KIAA0232: variants seen among roughly 807,000 people sequenced by gnomAD.
The protein encoded by KIAA0232 is KIAA0232.
KIAA0232 carries 27 observed loss-of-function variants against 122.0 expected under a neutral mutation model. The observed-to-expected ratio is 0.22, with a 90% CI of 0.16 to 0.31. The LOEUF (loss-of-function observed/expected upper bound fraction) is 0.31, where lower values mean the gene tolerates loss of function less well. Among genes scored for constraint, KIAA0232 ranks in the 10% least tolerant of loss-of-function variants. The pLI is 1.00. For synonymous variants in KIAA0232, 613 were observed against 587.6 expected (o/e 1.04, Z -0.63); for missense variants, 1,551 against 1,634.2 (o/e 0.95, Z 0.88).
intron 2 of KIAA0232, among the ~76,000 whole-genome samples, chr4:6,822,591 T>C (rs1718472692): frequency 6.6e-6 from 1 of 152,154 alleles, no homozygotes; most frequent in Admixed American, 6.5e-5. Flanking sequence ...TTTCTAGTGG[T>C]TTGTAAATTA....
chr4:6,868,662 C>G (rs1325244128), intron 7 of KIAA0232, among the ~76,000 whole-genome samples: 1 of 152,214 alleles, frequency 6.6e-6, no homozygotes, highest in Non-Finnish European at 1.5e-5. Flanking sequence ...CCGCTTTCAG[C>G]TTCCTCCATT....
intron 7 of KIAA0232, among the ~76,000 whole-genome samples, chr4:6,866,021 A>G (rs143827122): frequency 0.02 from 3,104 of 152,256 alleles, 78 homozygotes; most frequent in Non-Finnish European, 0.025. Flanking sequence ...GCGACTTGAG[A>G]GGCACTGCTC....
At chr4:6,829,269 T>A (rs966795374) in intron 3 of KIAA0232, among the ~76,000 whole-genome samples, 14 of 152,220 alleles carry the variant, frequency 9.2e-5, no homozygotes, top group Non-Finnish European at 1.8e-4. Flanking sequence ...GTCTTTATCA[T>A]TCTTGGAGAC....
intron 1 of KIAA0232, among the ~76,000 whole-genome samples, chr4:6,796,813 A>G (rs1717153313): frequency 6.6e-6 from 1 of 152,186 alleles, no homozygotes; most frequent in Non-Finnish European, 1.5e-5. Context: ...GAGAATGTTC[A>G]AGTAGGCTCC....
At chr4:6,876,618 C>T (rs1336924626) in intron 8 of KIAA0232, 42 bp from the exon 9 acceptor site, 2 of 1,276,358 alleles carry the variant, frequency 1.6e-6, no homozygotes, top group Non-Finnish European at 1.1e-6. Context: ...AATGGAATTT[C>T]CCCCTTTCCC....
intron 2 of KIAA0232, among the ~76,000 whole-genome samples, chr4:6,806,380 A>G (rs995629105): frequency 2.0e-5 from 3 of 152,228 alleles, no homozygotes; most frequent in Admixed American, 1.3e-4. Flanking sequence ...ACATAAAACA[A>G]TGTAACTTTG....
chr4:6,797,004 A>G (rs1257471865), intron 1 of KIAA0232, among the ~76,000 whole-genome samples: 1 of 152,244 alleles, frequency 6.6e-6, no homozygotes, highest in African/African-American at 2.4e-5. Context: ...AGCCTTCCTC[A>G]TGCAGCACGT....
At chr4:6,816,561 C>A (rs911659235) in intron 2 of KIAA0232, among the ~76,000 whole-genome samples, 2 of 152,166 alleles carry the variant, frequency 1.3e-5, no homozygotes, top group African/African-American at 4.8e-5. Flanking sequence ...GGATTACAGG[C>A]GTGAGCCACC....
intron 2 of KIAA0232, among the ~76,000 whole-genome samples, chr4:6,821,613 C>T (rs1191157496): frequency 6.6e-6 from 1 of 151,620 alleles, no homozygotes; most frequent in Non-Finnish European, 1.5e-5. Context: ...CATATATACA[C>T]ATATCTATAT....
At chr4:6,843,687 T>C (rs1719785237) in intron 4 of KIAA0232, among the ~76,000 whole-genome samples, 1 of 151,984 alleles carries the variant, frequency 6.6e-6, no homozygotes, top group Non-Finnish European at 1.5e-5. Context: ...GGAGAATCAC[T>C]TGAACCTGGG....
rs752428517 is a variant in KIAA0232 at position 6,800,043 on chromosome 4, C to CTTTTTTTTTTTTTTTTTTTTTTT, written c.-353-4470_-353-4448dup. ...TTTCTTTTTCTTTCTTTCTTTCTTT[C>CTTTTTTTTTTTTTTTTTTTTTTT]TTTTTTTTTTTTTTTTTTTTTTTTT... On this transcript the variant is annotated intron_variant, in intron 1 of 9. Coordinates refer to ENST00000307659, the MANE Select transcript of KIAA0232 (RefSeq NM_014743.3). Among the ~76,000 whole-genome samples, 63 of 60,080 alleles carry CTTTTTTTTTTTTTTTTTTTTTTT rather than the reference C, an allele frequency of 1.0e-3. 9 individuals are homozygous for CTTTTTTTTTTTTTTTTTTTTTTT. Among genetic ancestry groups the CTTTTTTTTTTTTTTTTTTTTTTT allele is most frequent in the Non-Finnish European group, 1.4e-3 (38 of 28,096 alleles). 39.4% of individuals were successfully genotyped at this position (60,080 alleles called of 152,430 possible). A position where few individuals can be genotyped will look rare whatever the true frequency, so the allele number is the denominator to read the frequency against.
chr4:6,794,543 A>G (rs919770612), intron 1 of KIAA0232, among the ~76,000 whole-genome samples: 12 of 152,344 alleles, frequency 7.9e-5, no homozygotes, highest in Admixed American at 3.3e-4. Flanking sequence ...TGCCAAGGGG[A>G]AAAACAGAGC....
chr4:6,863,930 G>T lies in KIAA0232; in HGVS notation c.3548G>T (p.Gly1183Val). Residue 1183 changes from glycine (G) to valine (V), a missense_variant, in exon 7 of 10, where the codon GGG becomes GTG. By Grantham distance (109) the Gly-to-Val change is moderately radical. Coordinates refer to ENST00000307659, the MANE Select transcript of KIAA0232 (RefSeq NM_014743.3). The stretch of plus-strand genomic sequence containing the variant: ...TTCCTTCCCAGGTTAAAAAAATCTG[G>T]GATGGAAAAGAGTGCTCAGACATCA... The part of the protein sequence containing the change: ...GKFLPRLKKS[G>V]MEKSAQTSLD... 1 of 1,613,964 alleles carries T rather than the reference G, an allele frequency of 6.2e-7. No homozygotes were observed. The highest frequency in any genetic ancestry group is 8.5e-7 in the Non-Finnish European group (1 of 1,179,988).
intron 8 of KIAA0232, among the ~76,000 whole-genome samples, chr4:6,876,199 G>A (rs1306926080): frequency 6.6e-6 from 1 of 152,188 alleles, no homozygotes; most frequent in Non-Finnish European, 1.5e-5. Flanking sequence ...ACCCTGTGTC[G>A]TTTCTCCATT....
chr4:6,858,738 A>C (rs1720693129), intron 6 of KIAA0232, among the ~76,000 whole-genome samples: 1 of 152,190 alleles, frequency 6.6e-6, no homozygotes, highest in African/African-American at 2.4e-5. Context: ...TGAAACATAG[A>C]AGGTTATTAT....
chr4:6,785,136 A>T (rs961618623), intron 1 of KIAA0232, among the ~76,000 whole-genome samples: 1 of 152,002 alleles, frequency 6.6e-6, no homozygotes, highest in Admixed American at 6.6e-5. Flanking sequence ...ATGGGGCTTC[A>T]CCGTGTTAGC....
chr4:6,834,110 TA>T lies in KIAA0232; in HGVS notation c.232-7956del, dbSNP rs374893565. Among the ~76,000 whole-genome samples the T allele has an allele frequency of 4.3e-3, 649 of 152,256 alleles. 6 individuals carry two copies. Among genetic ancestry groups the T allele is most frequent in the African/African-American group, 0.015 (626 of 41,544 alleles). On this transcript the variant is annotated intron_variant, in intron 3 of 9. Transcript: ENST00000307659. ...TCTTTTCTTATTATTATTATTATTT[TA>T]GAGATAGGGTCTTGCTTTCGCCCAG...
chr4:6,782,803 G>C lies in KIAA0232; in HGVS notation c.-392G>C, dbSNP rs905719831. 1 of 148,384 alleles carries C rather than the reference G, an allele frequency of 6.7e-6. No individual in the cohort carries two copies. Among genetic ancestry groups the C allele is most frequent in the East Asian group, 2.0e-4 (1 of 5,118 alleles). The allele number at this position is 148,384 out of a possible 1,614,324, so 9.2% of individuals were successfully genotyped here. ...AGCCCCTCGGAGCCAGAGGAGAGGCGCCCCCGCCGGCCGCCGCGCCGCCCG... is the reference window on the plus strand; with the variant it reads ...AGCCCCTCGGAGCCAGAGGAGAGGCCCCCCCGCCGGCCGCCGCGCCGCCCG... On this transcript the variant is annotated 5_prime_UTR_variant, in exon 1 of 10. Transcript: ENST00000307659.
At position 6,855,850 on chromosome 4, in the gene KIAA0232, G is replaced by A. The variant is rs186755288; in HGVS notation, c.370-1314G>A. 36 of 985,376 alleles carry A rather than the reference G, an allele frequency of 3.7e-5. No individual in the cohort carries two copies. The highest frequency in any genetic ancestry group is 2.3e-4 in the South Asian group (5 of 21,288). 61.0% of individuals were successfully genotyped at this position (985,376 alleles called of 1,614,324 possible). On this transcript the variant is annotated intron_variant, in intron 4 of 9. Transcript: ENST00000307659. This position sits in a 1 kb window ranked among gnomAD's most constrained non-coding sequence, Gnocchi z 4.3. ...GACACTGGTGTTGGTTTCACGATCC[G>A]AAGGAAATGGAATATAATTGCCGTC...
Sources: gnomAD v4.1 joint callset for allele counts (sites outside exome capture counted in the v4.1 genomes callset) on GRCh38, gnomAD v4.1.1 for gene constraint, Gnocchi (gnomAD v3.1) non-coding constraint, MANE v1.5 for transcripts, NCBI Gene and HGNC (gene_info 2026-07-23, HGNC 2026-07-21) for gene names.